COG3: variants seen among roughly 807,000 people sequenced by gnomAD.
COG3 encodes conserved oligomeric Golgi complex subunit 3.
A neutral mutation model predicts 114.1 loss-of-function variants in COG3; 32 were observed. That is an observed-to-expected ratio of 0.28 (90% CI 0.21 to 0.38). COG3 has a LOEUF of 0.38. Among genes scored for constraint, COG3 ranks in the 10% least tolerant of loss-of-function variants. The pLI is 1.00. For missense variants in COG3, 813 were observed against 973.2 expected, an observed-to-expected ratio of 0.84 and a Z score of 2.19; for synonymous variants, 352 against 365.7, an observed-to-expected ratio of 0.96 and a Z score of 0.43.
intron 8 of COG3, among the ~76,000 whole-genome samples, chr13:45,490,136 T>C (rs1327070561): frequency 6.6e-6 from 1 of 152,230 alleles, no homozygotes; most frequent in African/African-American, 2.4e-5. Context: ...GTGACTTTTG[T>C]CTGTCATAAA....
At chr13:45,475,357 C>A (rs997337970) in intron 1 of COG3, among the ~76,000 whole-genome samples, 1 of 151,972 alleles carries the variant, frequency 6.6e-6, no homozygotes, top group South Asian at 2.1e-4. Context: ...CCACCACACC[C>A]AGCTAATTTT....
intron 14 of COG3, among the ~76,000 whole-genome samples, chr13:45,504,108 A>T (rs1252846018): frequency 6.6e-6 from 1 of 152,118 alleles, no homozygotes; most frequent in African/African-American, 2.4e-5. Context: ...CCTAAAGCGT[A>T]GCTCCCCATG....
chr13:45,529,275 T>C (rs1218730816), intron 20 of COG3, among the ~76,000 whole-genome samples: 1 of 152,178 alleles, frequency 6.6e-6, no homozygotes, highest in Non-Finnish European at 1.5e-5. Flanking sequence ...ATTTTTGTTA[T>C]AACTTTTTGG....
rs28689023 is a variant in COG3 at position 45,486,290 on chromosome 13, C to T, written c.844-205C>T. ...CGGCTCGGCATGAGAGGGAGACCAT[C>T]GGGAGACGGGAGACGGGAGACGGGA... On this transcript the variant is annotated intron_variant, in intron 7 of 22. Coordinates refer to ENST00000349995, the MANE Select transcript of COG3 (RefSeq NM_031431.4). Among the ~76,000 whole-genome samples, 4 of 75,434 alleles carry T rather than the reference C, an allele frequency of 5.3e-5. No homozygotes were observed. In the East Asian group the frequency reaches 1.1e-3, roughly 20 times the overall value. The allele number at this position is 75,434 out of a possible 152,430, so 49.5% of individuals were successfully genotyped here.
At position 45,509,781 on chromosome 13, in the gene COG3, C is replaced by G. The variant is rs1171748868; in HGVS notation, c.1684C>G (p.Leu562Val). The G allele has an allele frequency of 6.2e-7, 1 of 1,613,716 alleles. No homozygotes were observed. The highest frequency in any genetic ancestry group is 8.5e-7 in the Non-Finnish European group (1 of 1,179,646). Residue 562 changes from leucine (L) to valine (V), a missense_variant, in exon 15 of 23, where the codon CTT becomes GTT. By Grantham distance (32) the Leu-to-Val change is conservative (BLOSUM62 1). Coordinates refer to ENST00000349995, the MANE Select transcript of COG3 (RefSeq NM_031431.4). ...GTGGTATCCTACGGTTCGAAGAACT[C>G]TTGTCTGTCTCTCCAAATTATACAG... ...GMWYPTVRRT[L>V]VCLSKLYRCI...
chr13:45,467,036 A>C (rs551513247), intron 1 of COG3, among the ~76,000 whole-genome samples: 1 of 152,344 alleles, frequency 6.6e-6, no homozygotes, highest in South Asian at 2.1e-4. Context: ...AATATAAGGA[A>C]AATCAGATAG....
rs200161384 is a variant in COG3 at position 45,503,280 on chromosome 13, G to T, written c.1525G>T (p.Val509Leu). Residue 509 changes from valine (V) to leucine (L), a missense_variant, in exon 14 of 23, where the codon GTA becomes TTA. Coordinates refer to ENST00000349995, the MANE Select transcript of COG3 (RefSeq NM_031431.4). ...AQSLKDEQKK[V>L]PSEASFSDVH... is the part of the protein sequence containing the mutation. ...GAGTTTGAAAGATGAACAGAAGAAG[G>T]TACCTTCAGAAGCTTCATTTTCAGA... 6 of 1,604,968 alleles carry T rather than the reference G, an allele frequency of 3.7e-6. No homozygotes were observed. The highest frequency in any genetic ancestry group is 1.3e-5 in the African/African-American group (1 of 74,806).
At chr13:45,530,190 C>T (rs1158629046) in intron 21 of COG3, among the ~76,000 whole-genome samples, 1 of 152,180 alleles carries the variant, frequency 6.6e-6, no homozygotes, top group Non-Finnish European at 1.5e-5. Context: ...CCTTACATTG[C>T]ATGTGGCCCA....
intron 4 of COG3, among the ~76,000 whole-genome samples, chr13:45,480,989 G>A (rs987884798): frequency 6.6e-6 from 1 of 152,180 alleles, no homozygotes; most frequent in African/African-American, 2.4e-5. Context: ...AATTTTCTCT[G>A]TATGTACTTT....
At chr13:45,493,195 T>G (rs1887121573) in intron 11 of COG3, 152 bp from the exon 12 acceptor site, 1 of 571,340 alleles carries the variant, frequency 1.8e-6, no homozygotes, top group African/African-American at 1.9e-5. Flanking sequence ...ACTTTCAGCT[T>G]TTCCCTTATC....
intron 16 of COG3, among the ~76,000 whole-genome samples, chr13:45,515,918 T>A (rs866984484): frequency 2.5e-4 from 38 of 152,222 alleles, no homozygotes; most frequent in Non-Finnish European, 8.8e-5. Context: ...TGTGTCTGAC[T>A]TTCTTGGATT....
chr13:45,528,527 A>G (rs1384552050), intron 20 of COG3, among the ~76,000 whole-genome samples: 1 of 152,244 alleles, frequency 6.6e-6, no homozygotes, highest in Non-Finnish European at 1.5e-5. Flanking sequence ...ATGAAAAGCT[A>G]TAAAATGAAA....
At chr13:45,528,152 A>AT (rs1872852396) in intron 20 of COG3, among the ~76,000 whole-genome samples, 1 of 152,116 alleles carries the variant, frequency 6.6e-6, no homozygotes, top group African/African-American at 2.4e-5. Flanking sequence ...TATAGTAATT[A>AT]AAAAAAATTA....
At chr13:45,513,220 T>C (rs12855642) in intron 16 of COG3, among the ~76,000 whole-genome samples, 1,455 of 36,412 alleles carry the variant, frequency 0.04, 104 homozygotes, top group African/African-American at 0.093. Flanking sequence ...ATAAATTATA[T>C]ATATATAATA....
intron 20 of COG3, among the ~76,000 whole-genome samples, chr13:45,528,896 G>C (rs1220446163): frequency 1.3e-5 from 2 of 152,146 alleles, no homozygotes; most frequent in Admixed American, 1.3e-4. Context: ...ATATCTGCAA[G>C]TAAATTTCTA....
Position 45,535,541 on chromosome 13 carries a change from A to G in COG3, c.*810A>G. ...CGCATAGAGGAGAGAAGGAAACCTG[A>G]GGAGTAGTGTTCCTCCTGAATGAAG... On this transcript the variant is annotated 3_prime_UTR_variant, in exon 23 of 23. Coordinates refer to ENST00000349995, the MANE Select transcript of COG3 (RefSeq NM_031431.4). 1.0e-6 allele frequency: 1 copy of G among 985,630 alleles called. No homozygotes were observed. The highest frequency in any genetic ancestry group is 1.2e-6 in the Non-Finnish European group (1 of 830,086). 61.1% of individuals were successfully genotyped at this position (985,630 alleles called of 1,614,324 possible).
In COG3 at chr13:45,519,166, T is replaced by C; in HGVS notation, c.2154+72T>C. The C allele has an allele frequency of 2.0e-6, 3 of 1,517,570 alleles. No individual in the cohort carries two copies. The South Asian group carries it at 3.5e-5, about 18-fold the overall frequency. 94.0% of individuals were successfully genotyped at this position (1,517,570 alleles called of 1,614,324 possible). On this transcript the variant is annotated intron_variant, in intron 19 of 22. Transcript: ENST00000349995. ...TTAGATTTCCTTTTGAATTACTCTC[T>C]TGTGTAAACTCTGGCAGAAGGAGAT...
chr13:45,508,413 CACACACACACACAT>C lies in COG3; in HGVS notation c.1595-1273_1595-1260del, dbSNP rs1240155700. 3.1e-3 allele frequency among the ~76,000 whole-genome samples: 351 copies of C among 112,252 alleles called. 2 individuals are homozygous for C. Among genetic ancestry groups the C allele is most frequent in the African/African-American group, 0.011 (328 of 31,078 alleles). 73.6% of individuals were successfully genotyped at this position (112,252 alleles called of 152,430 possible). ...ATATATATATATATATACACACACA[CACACACACACACAT>C]ACACATATATATACATATATGTGTA... On this transcript the variant is annotated intron_variant, in intron 14 of 22. Transcript: ENST00000349995.
intron 19 of COG3, among the ~76,000 whole-genome samples, chr13:45,519,669 A>T (rs534465833): frequency 6.6e-6 from 1 of 151,800 alleles, no homozygotes; most frequent in Non-Finnish European, 1.5e-5. Context: ...AATGAAACCA[A>T]TTTTTTTTTC....
Sources: allele counts gnomAD v4.1 joint callset (sites outside exome capture counted in the v4.1 genomes callset), GRCh38; gene constraint gnomAD v4.1.1; transcripts MANE v1.5; gene names NCBI Gene and HGNC (gene_info 2026-07-23, HGNC 2026-07-21).